Variants in RNF2 observed in about 807,000 individuals in gnomAD.
The protein encoded by RNF2 is E3 ubiquitin-protein ligase RING2.
Under a neutral mutation model 37.2 loss-of-function variants are expected in RNF2, and 6 were observed. The observed-to-expected ratio is 0.16, with a 90% confidence interval of 0.09 to 0.32. The LOEUF (loss-of-function observed/expected upper bound fraction) is 0.32, where lower values mean the gene tolerates loss of function less well. Ranked by LOEUF, RNF2 falls within the 10% of genes least tolerant of loss-of-function variation. The pLI, the probability that RNF2 is intolerant of heterozygous loss-of-function variation, is 1.00. For synonymous variants in RNF2, 133 were observed against 132.7 expected (o/e 1.00, Z -0.02); for missense variants, 251 against 404.0 (o/e 0.62, Z 3.25).
chr1:185,077,328 A>C (rs1022240941), intron 1 of RNF2, among the ~76,000 whole-genome samples: 5 of 124,158 alleles, frequency 4.0e-5, no homozygotes, highest in African/African-American at 9.4e-5. Context: ...CTCCCTCTCT[A>C]TTTTTTTTCC....
chr1:185,087,685 C>T (rs778882697), intron 2 of RNF2, 45 bp downstream of exon 2: 1 of 1,358,482 alleles, frequency 7.4e-7, no homozygotes, highest in Non-Finnish European at 1.1e-6. Flanking sequence ...GACGTGTAAA[C>T]TGGGATACAT....
intron 1 of RNF2, among the ~76,000 whole-genome samples, chr1:185,059,132 G>T (rs916668961): frequency 5.9e-5 from 9 of 151,992 alleles, no homozygotes; most frequent in African/African-American, 1.7e-4. Flanking sequence ...TGGCGACAAG[G>T]CCAGAAGAGA....
At chr1:185,066,876 G>A (rs1320858219) in intron 1 of RNF2, among the ~76,000 whole-genome samples, 1 of 152,148 alleles carries the variant, frequency 6.6e-6, no homozygotes, top group Non-Finnish European at 1.5e-5. Flanking sequence ...GTGATTGATG[G>A]CTGATGGGAG....
intron 1 of RNF2, chr1:185,071,922 C>T (rs947140035): frequency 2.0e-5 from 3 of 152,382 alleles, no homozygotes; most frequent in African/African-American, 7.2e-5. Context: ...TATTTTCTCT[C>T]CTCATGACAT....
chr1:185,071,613 A>G (rs1021836327), intron 1 of RNF2: 1 of 154,572 alleles, frequency 6.5e-6, no homozygotes, highest in Admixed American at 6.5e-5. Flanking sequence ...CTGCCATGCT[A>G]GATTCAGACC....
intron 2 of RNF2, among the ~76,000 whole-genome samples, chr1:185,090,892 C>T (rs1343765543): frequency 6.6e-6 from 1 of 152,176 alleles, no homozygotes; most frequent in Non-Finnish European, 1.5e-5. Flanking sequence ...TGGAGAGAAA[C>T]ATCTTTAGGC....
intron 1 of RNF2, among the ~76,000 whole-genome samples, chr1:185,049,996 G>T (rs528594369): frequency 6.6e-6 from 1 of 152,332 alleles, no homozygotes; most frequent in South Asian, 2.1e-4. Context: ...AGCTGGCAAA[G>T]GAGTTGATGA....
intron 1 of RNF2, among the ~76,000 whole-genome samples, chr1:185,051,734 CT>C (rs34143770): frequency 0.29 from 41,862 of 142,402 alleles, 7,014 homozygotes; most frequent in Non-Finnish European, 0.38. Flanking sequence ...TTAACTAATT[CT>C]TTTTTTTTTT....
chr1:185,077,935 T>C (rs935397885), intron 1 of RNF2, among the ~76,000 whole-genome samples: 2 of 152,238 alleles, frequency 1.3e-5, no homozygotes, highest in African/African-American at 4.8e-5. Flanking sequence ...AGTATTTTCG[T>C]TTTATTCATT....
chr1:185,091,456 G>C, intron 2 of RNF2, 123 bp from the exon 3 acceptor site: 2 of 844,304 alleles, frequency 2.4e-6, no homozygotes, highest in Non-Finnish European at 3.6e-6. Context: ...AGTTGACAAT[G>C]GCAGTGGCTG....
Position 185,081,703 on chromosome 1 carries a change from C to T in RNF2, c.-2-5849C>T, listed in dbSNP as rs138066439. Among the ~76,000 whole-genome samples the T allele has an allele frequency of 7.9e-3, 1,206 of 152,214 alleles. 14 individuals carry two copies. Among genetic ancestry groups the T allele is most frequent in the African/African-American group, 0.028 (1,145 of 41,544 alleles). On this transcript the variant is annotated intron_variant, in intron 1 of 6. Transcript: ENST00000367510. ...GGGATTACAGGTGTGAGCCACCGTG[C>T]CTGGCCTCTGTCAACTTTTGAAGCG...
intron 1 of RNF2, chr1:185,046,410 C>G (rs866982297): frequency 2.0e-5 from 3 of 152,230 alleles, no homozygotes; most frequent in Middle Eastern, 3.4e-3. Context: ...CCACTTTTGC[C>G]GGGAGCCCAC....
intron 1 of RNF2, among the ~76,000 whole-genome samples, chr1:185,076,140 G>A: frequency 6.6e-6 from 1 of 151,298 alleles, no homozygotes; most frequent in African/African-American, 2.4e-5. Flanking sequence ...ATTTGCTCAT[G>A]GTGTCTCTAG....
Position 185,078,913 on chromosome 1 carries a change from G to A in RNF2, c.-2-8639G>A, listed in dbSNP as rs530047131. ...ACAAAAATTTGCCAGGCATGGTGGT[G>A]TGCACCTGTAATCCCAGCTACTTGG... On this transcript the variant is annotated intron_variant, in intron 1 of 6. Coordinates refer to ENST00000367510, the MANE Select transcript of RNF2 (RefSeq NM_007212.4). Among the ~76,000 whole-genome samples, 8 of 152,262 alleles carry A rather than the reference G, an allele frequency of 5.3e-5. No homozygotes were observed. In the South Asian group the frequency reaches 1.7e-3, roughly 32 times the overall value.
chr1:185,086,726 G>A (rs1021596356), intron 1 of RNF2, among the ~76,000 whole-genome samples: 4 of 152,146 alleles, frequency 2.6e-5, no homozygotes, highest in African/African-American at 9.7e-5. Flanking sequence ...TGAACATGAG[G>A]TCGGGAATTT....
chr1:185,065,975 C>G (rs922034072), intron 1 of RNF2, among the ~76,000 whole-genome samples: 2 of 149,432 alleles, frequency 1.3e-5, no homozygotes, highest in Non-Finnish European at 3.0e-5. Flanking sequence ...TTTTTAGTAT[C>G]AGCATCTACA....
intron 1 of RNF2, among the ~76,000 whole-genome samples, chr1:185,064,789 G>C (rs943367528): frequency 6.6e-6 from 1 of 151,952 alleles, no homozygotes; most frequent in African/African-American, 2.4e-5. Context: ...TGCAAGTCTT[G>C]TGCCTCCTTG....
In RNF2 at chr1:185,091,325, A is replaced by G. The variant is rs544581401; in HGVS notation, c.88-254A>G. On this transcript the variant is annotated intron_variant, in intron 2 of 6. Transcript: ENST00000367510. ...TATTATACCAGACTAATTTCCCACT[A>G]GTAAGCTTTTAAATACATTAATATG... Among the ~76,000 whole-genome samples the G allele has an allele frequency of 2.6e-4, 39 of 152,364 alleles. No individual in the cohort carries two copies. The South Asian group carries it at 7.9e-3, about 31-fold the overall frequency.
At chr1:185,067,706 T>A (rs1650837868) in intron 1 of RNF2, among the ~76,000 whole-genome samples, 1 of 144,192 alleles carries the variant, frequency 6.9e-6, no homozygotes, top group South Asian at 2.2e-4. Flanking sequence ...TTTAAAAGTA[T>A]CCTTTTTTTT....
Sources: allele counts gnomAD v4.1 joint callset (sites outside exome capture counted in the v4.1 genomes callset), GRCh38; gene constraint gnomAD v4.1.1; transcripts MANE v1.5; gene names NCBI Gene and HGNC (gene_info 2026-07-23, HGNC 2026-07-21).